Variants in TMX4 observed in about 807,000 individuals in gnomAD.
The protein encoded by TMX4 is thioredoxin-related transmembrane protein 4.
In TMX4, 23 loss-of-function variants were observed where a neutral mutation model predicts 33.3. That is an observed-to-expected ratio of 0.69 (90% CI 0.50 to 0.98). The LOEUF (loss-of-function observed/expected upper bound fraction) is 0.98, where lower values mean the gene tolerates loss of function less well. TMX4 is among the 50% of genes least tolerant of loss of function. The probability of loss-of-function intolerance (pLI) is 0.00; values close to 1 mark genes in which losing one functional copy is unlikely to be tolerated. For synonymous variants in TMX4, 164 were observed against 161.5 expected (o/e 1.02, Z -0.12); for missense variants, 399 against 448.9 (o/e 0.89, Z 1.01).
intron 5 of TMX4, among the ~76,000 whole-genome samples, chr20:7,990,418 TTGAG>T (rs1206868655): frequency 6.6e-6 from 1 of 152,184 alleles, no homozygotes; most frequent in Non-Finnish European, 1.5e-5. Flanking sequence ...ACATACATAT[TTGAG>T]TGAGAAGATG....
intron 1 of TMX4, among the ~76,000 whole-genome samples, chr20:8,017,260 G>A (rs920976815): frequency 6.6e-6 from 1 of 152,144 alleles, no homozygotes; most frequent in Non-Finnish European, 1.5e-5. Context: ...TTCATTGACA[G>A]CCTTGCTTCC....
At chr20:7,992,944 A>G (rs558419193) in intron 5 of TMX4, among the ~76,000 whole-genome samples, 4 of 152,242 alleles carry the variant, frequency 2.6e-5, no homozygotes, top group Non-Finnish European at 4.4e-5. Flanking sequence ...AAAATCACCC[A>G]TATCAGAGAA....
At chr20:7,983,996 A>G in intron 6 of TMX4, 139 bp from the exon 7 acceptor site, 2 of 603,558 alleles carry the variant, frequency 3.3e-6, no homozygotes, top group Non-Finnish European at 5.8e-6. Flanking sequence ...ACAAGAGACA[A>G]GGATATAATT....
chr20:8,005,739 A>C (rs1472099701), intron 2 of TMX4, among the ~76,000 whole-genome samples: 1 of 152,104 alleles, frequency 6.6e-6, no homozygotes, highest in African/African-American at 2.4e-5. Flanking sequence ...CACCAGCAGA[A>C]GAACACACCA....
At chr20:7,986,620 T>A (rs1224266364) in intron 6 of TMX4, among the ~76,000 whole-genome samples, 1 of 152,164 alleles carries the variant, frequency 6.6e-6, no homozygotes, top group Non-Finnish European at 1.5e-5. Flanking sequence ...CAAGATTAGG[T>A]TAAGAGAAAT....
intron 2 of TMX4, among the ~76,000 whole-genome samples, chr20:8,002,569 A>G (rs1303092125): frequency 6.6e-6 from 1 of 152,178 alleles, no homozygotes; most frequent in Non-Finnish European, 1.5e-5. Context: ...AAAATGACAG[A>G]GGCATCATTT....
At chr20:8,019,330 T>G in intron 1 of TMX4, 108 bp downstream of exon 1, 14 of 1,288,804 alleles carry the variant, frequency 1.1e-5, no homozygotes, top group Non-Finnish European at 1.2e-5. Context: ...GTCCGGGGTT[T>G]TAGGTTGAGC....
intron 2 of TMX4, among the ~76,000 whole-genome samples, chr20:8,002,699 T>C (rs2050712672): frequency 6.6e-6 from 1 of 152,162 alleles, no homozygotes; most frequent in Non-Finnish European, 1.5e-5. Flanking sequence ...TTCAAAACAC[T>C]GAAGCTTTAC....
rs972028166 is a variant in TMX4, at chr20:8,001,652, A to G, written c.293-111T>C. On this transcript the variant is annotated intron_variant, in intron 2 of 7. Transcript: ENST00000246024. ...AAAATCACTGCAATTGTTGACTCAC[A>G]TTTACTATTTTTTTTGACTTACAGA... 7.6e-6 allele frequency: 8 copies of G among 1,057,200 alleles called. No individual in the cohort carries two copies. In the African/African-American group the frequency reaches 1.3e-4, roughly 17 times the overall value. The allele number at this position is 1,057,200 out of a possible 1,614,324, so 65.5% of individuals were successfully genotyped here.
At chr20:8,016,537 C>G (rs185740595) in intron 1 of TMX4, among the ~76,000 whole-genome samples, 55 of 152,152 alleles carry the variant, frequency 3.6e-4, no homozygotes, top group African/African-American at 1.3e-3. Flanking sequence ...TTGCAAGAAT[C>G]CAAAAAATTG....
chr20:7,984,186 T>C (rs1187491934), intron 6 of TMX4, among the ~76,000 whole-genome samples: 1 of 152,228 alleles, frequency 6.6e-6, no homozygotes, highest in Non-Finnish European at 1.5e-5. Context: ...CAAACCACTC[T>C]GTATATAGGC....
chr20:7,998,602 T>G (rs552714612), intron 4 of TMX4, among the ~76,000 whole-genome samples: 1 of 152,284 alleles, frequency 6.6e-6, no homozygotes, highest in African/African-American at 2.4e-5. Flanking sequence ...GGCTTCAGCC[T>G]GCCCCTCTTA....
chr20:7,995,866 C>T (rs543037439), intron 5 of TMX4, among the ~76,000 whole-genome samples, 160 bp downstream of exon 5: 2 of 151,984 alleles, frequency 1.3e-5, no homozygotes, highest in East Asian at 1.9e-4. Flanking sequence ...TACATGACGA[C>T]ATTACCACTG....
chr20:8,012,799 G>A (rs187559342), intron 1 of TMX4, among the ~76,000 whole-genome samples: 4 of 152,128 alleles, frequency 2.6e-5, no homozygotes, highest in Admixed American at 1.3e-4. Context: ...ATGCATCCTC[G>A]GATATGCCAC....
At chr20:7,999,907 A>T in intron 3 of TMX4, 47 bp from the exon 4 acceptor site, 1 of 1,567,442 alleles carries the variant, frequency 6.4e-7, no homozygotes, top group Non-Finnish European at 8.6e-7. Context: ...TAAAATAACG[A>T]TGTTACAGAT....
intron 4 of TMX4, among the ~76,000 whole-genome samples, chr20:7,996,323 C>T (rs2050676277): frequency 6.6e-6 from 1 of 152,186 alleles, no homozygotes; most frequent in Admixed American, 6.5e-5. Flanking sequence ...CAACACTGAG[C>T]AGCTGAATGT....
chr20:7,997,557 T>C (rs2050681950), intron 4 of TMX4, among the ~76,000 whole-genome samples: 1 of 151,744 alleles, frequency 6.6e-6, no homozygotes, highest in Non-Finnish European at 1.5e-5. Context: ...CTTTCCCCTT[T>C]CCTCTTTCTT....
intron 1 of TMX4, among the ~76,000 whole-genome samples, chr20:8,013,255 T>A (rs1027058465): frequency 6.6e-6 from 1 of 152,164 alleles, no homozygotes; most frequent in African/African-American, 2.4e-5. Flanking sequence ...GGCAATCTTC[T>A]CCTAAGAACT....
intron 3 of TMX4, among the ~76,000 whole-genome samples, chr20:8,000,711 T>G (rs980147712): frequency 1.3e-5 from 2 of 152,132 alleles, no homozygotes; most frequent in African/African-American, 4.8e-5. Context: ...ATATTTCAAC[T>G]TTTACCTCAA....
Sources: gnomAD v4.1 joint callset for allele counts (sites outside exome capture counted in the v4.1 genomes callset) on GRCh38, gnomAD v4.1.1 for gene constraint, MANE v1.5 for transcripts, NCBI Gene and HGNC (gene_info 2026-07-23, HGNC 2026-07-21) for gene names.